Variants in NLK observed in about 807,000 individuals in gnomAD.
The protein encoded by NLK is serine/threonine-protein kinase NLK.
Under a neutral mutation model 59.0 loss-of-function variants are expected in NLK, and 11 were observed. The observed-to-expected ratio is 0.19, with a 90% CI of 0.12 to 0.31. The LOEUF is 0.31. NLK is among the 10% of genes least tolerant of loss of function. NLK has a pLI of 1.00. For synonymous variants in NLK, 235 were observed against 235.9 expected, an observed-to-expected ratio of 1.00 and a Z score of 0.03; for missense variants, 410 against 661.1, an observed-to-expected ratio of 0.62 and a Z score of 4.16.
At position 28,099,568 on chromosome 17, in the gene NLK, C is replaced by CTTTTTTT. The variant is rs945214545; in HGVS notation, c.459-23020_459-23014dup. 3.7e-3 allele frequency among the ~76,000 whole-genome samples: 450 copies of CTTTTTTT among 122,916 alleles called. 24 individuals are homozygous for CTTTTTTT. The highest frequency in any genetic ancestry group is 0.014 in the African/African-American group (431 of 30,038). 80.6% of individuals were successfully genotyped at this position (122,916 alleles called of 152,430 possible). On this transcript the variant is annotated intron_variant, in intron 1 of 10. Transcript: ENST00000407008. ...ATTGTAAATAGTCTTTTGTGTTTGA[C>CTTTTTTT]TTTTTTTTTTTTTTTTTTTTTGAGA...
chr17:28,084,580 T>C (rs560440070), intron 1 of NLK, among the ~76,000 whole-genome samples: 115 of 152,144 alleles, frequency 7.6e-4, no homozygotes, highest in African/African-American at 2.7e-3. Context: ...TTTTTTTTTT[T>C]CGAGATGGAG....
At chr17:28,063,637 A>G (rs1247107005) in intron 1 of NLK, among the ~76,000 whole-genome samples, 2 of 152,208 alleles carry the variant, frequency 1.3e-5, no homozygotes, top group Non-Finnish European at 2.9e-5. Flanking sequence ...CTGCTTATAT[A>G]GTCAAACTTG....
the NLK span, among the ~76,000 whole-genome samples, chr17:28,201,627 T>C: frequency 2.0e-5 from 3 of 152,140 alleles, no homozygotes; most frequent in African/African-American, 4.8e-5. Flanking sequence ...AAAAATGCTA[T>C]AGTCAGGTGA....
intron 1 of NLK, among the ~76,000 whole-genome samples, chr17:28,068,739 G>A (rs1259408838): frequency 6.6e-6 from 1 of 152,096 alleles, no homozygotes. Flanking sequence ...GAATGCAATG[G>A]CATGATCATA....
At chr17:28,131,369 T>C (rs1906507845) in intron 2 of NLK, among the ~76,000 whole-genome samples, 1 of 151,960 alleles carries the variant, frequency 6.6e-6, no homozygotes, top group Non-Finnish European at 1.5e-5. Context: ...ACTTACATTT[T>C]AGATTTGATC....
At chr17:28,061,853 A>G (rs1160341088) in intron 1 of NLK, 2 of 146,066 alleles carry the variant, frequency 1.4e-5, no homozygotes, top group African/African-American at 5.0e-5. Flanking sequence ...TATATAATAT[A>G]TAATATATAC....
intron 7 of NLK, among the ~76,000 whole-genome samples, chr17:28,173,819 G>T (rs1195153719): frequency 6.6e-6 from 1 of 152,196 alleles, no homozygotes; most frequent in Non-Finnish European, 1.5e-5. Flanking sequence ...CTTGGTAAAT[G>T]TGTCCTTAGA....
At chr17:28,048,157 G>C in intron 1 of NLK, 1 of 387,910 alleles carries the variant, frequency 2.6e-6, no homozygotes, top group Non-Finnish European at 4.6e-6. Flanking sequence ...ACAGGTTCAT[G>C]ATCATAAAGT....
Position 28,042,749 on chromosome 17 carries a change from A to G in NLK, c.-125A>G, listed in dbSNP as rs995398603. The G allele has an allele frequency of 1.2e-6, 1 of 862,022 alleles. No homozygotes were observed. The highest frequency in any genetic ancestry group is 1.7e-6 in the Non-Finnish European group (1 of 584,320). The allele number at this position is 862,022 out of a possible 1,614,324, so 53.4% of individuals were successfully genotyped here. ...CACCAAGATCCTCTAACTTGTTTGG[A>G]TTGACTGATGAAGACATAAAGCTCT... On this transcript the variant is annotated 5_prime_UTR_variant, in exon 1 of 11. Transcript: ENST00000407008.
intron 3 of NLK, among the ~76,000 whole-genome samples, chr17:28,150,956 T>A (rs1907455420): frequency 6.6e-6 from 1 of 152,210 alleles, no homozygotes; most frequent in South Asian, 2.1e-4. Flanking sequence ...GCAAATTCAT[T>A]GACCCAGTGG....
chr17:28,119,385 A>G (rs1205990293), intron 1 of NLK, among the ~76,000 whole-genome samples: 1 of 152,168 alleles, frequency 6.6e-6, no homozygotes, highest in Non-Finnish European at 1.5e-5. Flanking sequence ...AAAACATTAC[A>G]AGACATAGTA....
chr17:28,110,289 T>C (rs989630892), intron 1 of NLK, among the ~76,000 whole-genome samples: 21 of 152,152 alleles, frequency 1.4e-4, no homozygotes, highest in Non-Finnish European at 2.2e-4. Context: ...TAGTCTGATA[T>C]AGAATTTTTG....
chr17:28,200,756 T>C (rs931110217), downstream of NLK, among the ~76,000 whole-genome samples: 1 of 152,224 alleles, frequency 6.6e-6, no homozygotes, highest in African/African-American at 2.4e-5. Flanking sequence ...ATTGTTGGGA[T>C]TACAGGCAAG....
chr17:28,198,708 A>G (rs1468157930), downstream of NLK, among the ~76,000 whole-genome samples: 1 of 152,186 alleles, frequency 6.6e-6, no homozygotes, highest in African/African-American at 2.4e-5. Context: ...CACTTGAAAG[A>G]CGAATTTCTT....
In NLK at chr17:28,191,163, A is replaced by G; in HGVS notation, c.1379A>G (p.Asn460Ser). 4 of 1,613,544 alleles carry G rather than the reference A, an allele frequency of 2.5e-6. No individual in the cohort carries two copies. The highest frequency in any genetic ancestry group is 1.7e-5 in the Admixed American group (1 of 59,852). The change falls in exon 9 of 11, where the codon AAT becomes AGT. Residue 460 changes from asparagine to serine, a missense_variant. Transcript: ENST00000407008. ...VYTSDFEPVT[N>S]PKFDDTFEKN... ...ACCAGTGACTTTGAGCCTGTCACCA[A>G]TCCCAAATTTGATGACACTTTCGAG...
At chr17:28,122,447 T>C (rs1906106903) in intron 1 of NLK, among the ~76,000 whole-genome samples, 156 bp from the exon 2 acceptor site, 1 of 152,206 alleles carries the variant, frequency 6.6e-6, no homozygotes, top group Non-Finnish European at 1.5e-5. Context: ...ATGTACTCTT[T>C]TATCTTTCTC....
At chr17:28,082,749 G>T (rs1383611202) in intron 1 of NLK, among the ~76,000 whole-genome samples, 1 of 152,144 alleles carries the variant, frequency 6.6e-6, no homozygotes, top group Non-Finnish European at 1.5e-5. Context: ...AGTGCTTTTG[G>T]CTGTAAAAGC....
At chr17:28,106,736 T>G (rs1240363356) in intron 1 of NLK, among the ~76,000 whole-genome samples, 1 of 152,118 alleles carries the variant, frequency 6.6e-6, no homozygotes, top group Non-Finnish European at 1.5e-5. Context: ...AACAACAGGT[T>G]TTCAACCAAA....
At chr17:28,199,508 A>G (rs866818184), downstream of NLK, among the ~76,000 whole-genome samples, 3 of 152,100 alleles carry the variant, frequency 2.0e-5, no homozygotes, top group South Asian at 2.1e-4. Flanking sequence ...TCTACTAAAA[A>G]CACAAAAATT....
Sources: allele counts gnomAD v4.1 joint callset (sites outside exome capture counted in the v4.1 genomes callset), GRCh38; gene constraint gnomAD v4.1.1; transcripts MANE v1.5; gene names NCBI Gene and HGNC (gene_info 2026-07-23, HGNC 2026-07-21).